CYP4F11: variants seen among roughly 807,000 people sequenced by gnomAD.
The protein encoded by CYP4F11 is cytochrome P450 4F11.
A neutral mutation model predicts 62.2 loss-of-function variants in CYP4F11; 79 were observed. The observed-to-expected ratio is 1.27, with a 90% confidence interval of 1.06 to 1.53. The LOEUF (loss-of-function observed/expected upper bound fraction) is 1.53, where lower values mean the gene tolerates loss of function less well. Among genes scored for constraint, CYP4F11 ranks in the 40% most tolerant of loss-of-function variants. The pLI is 0.00. For missense variants in CYP4F11, 777 were observed against 680.5 expected (o/e 1.14, Z -1.58); for synonymous variants, 290 against 263.7 (o/e 1.10, Z -0.97).
intron 5 of CYP4F11, among the ~76,000 whole-genome samples, chr19:15,924,559 A>G (rs1231334510): frequency 6.6e-6 from 1 of 152,234 alleles, no homozygotes; most frequent in Non-Finnish European, 1.5e-5. Context: ...CTGATTTTCA[A>G]TGTCCTGAAA....
rs140718122 is a variant in CYP4F11, at chr19:15,914,775, G to A, written c.1236C>T (p.Arg412=). Residue 412 remains arginine, a synonymous_variant, in exon 9 of 12, where the codon CGC becomes CGT. Transcript: ENST00000402119. ...GGCTGTGAGCACCTTTGGGGATGAC[G>A]CGGCCGTCTGGGAGCACAAAGTCCT... ...CTQDFVLPDG[R]VIPKGIVCLI... The A allele has an allele frequency of 2.4e-5, 39 of 1,614,188 alleles. No individual in the cohort carries two copies. The highest frequency in any genetic ancestry group is 8.8e-5 in the South Asian group (8 of 91,080).
chr19:15,914,315 C>A lies in CYP4F11; in HGVS notation c.1387G>T (p.Ala463Ser). 6.2e-7 allele frequency: 1 copy of A among 1,614,012 alleles called. No homozygotes were observed. Among genetic ancestry groups the A allele is most frequent in the Non-Finnish European group, 8.5e-7 (1 of 1,179,964 alleles). ...RSPLAFIPFS[A>S]GPRNCIGQAF... ...ACAGGCCATCCTTACCTGGGCCCTGCCGAGAAGGGAATAAAAGCCAGAGGT... is the reference window on the plus strand; with the variant it reads ...ACAGGCCATCCTTACCTGGGCCCTGACGAGAAGGGAATAAAAGCCAGAGGT... The change falls in exon 11 of 12, where the codon GCA becomes TCA. Residue 463 changes from alanine (A) to serine (S), a missense_variant. By Grantham distance (99) the Ala-to-Ser change is moderately conservative. Coordinates refer to ENST00000402119, the MANE Select transcript of CYP4F11 (RefSeq NM_021187.4).
intron 8 of CYP4F11, among the ~76,000 whole-genome samples, chr19:15,920,529 A>G (rs2089617556): frequency 6.6e-6 from 1 of 152,190 alleles, no homozygotes; most frequent in Non-Finnish European, 1.5e-5. Context: ...TTAAAAGCAT[A>G]AAAATGTTTC....
At chr19:15,919,630 T>C (rs1335669456) in intron 8 of CYP4F11, among the ~76,000 whole-genome samples, 2 of 151,902 alleles carry the variant, frequency 1.3e-5, no homozygotes, top group African/African-American at 2.4e-5. Context: ...GGTTAAACCC[T>C]GTCTTATCTG....
chr19:15,934,005 C>CAGAGGAATGAGTGAGCGAGG (rs1491583544), intron 1 of CYP4F11, among the ~76,000 whole-genome samples: 1 of 37,934 alleles, frequency 2.6e-5, no homozygotes, highest in Non-Finnish European at 5.7e-5. Context: ...AGTGAGTGGG[C>CAGAGGAATGAGTGAGCGAGG]AGAGGAATGA....
At chr19:15,925,392 ACT>A (rs1489884261) in intron 4 of CYP4F11, among the ~76,000 whole-genome samples, 1 of 152,168 alleles carries the variant, frequency 6.6e-6, no homozygotes. Context: ...GGCAAATGGT[ACT>A]GTTTCTGGGA....
At chr19:15,917,431 A>G (rs2145039016) in intron 8 of CYP4F11, among the ~76,000 whole-genome samples, 1 of 152,302 alleles carries the variant, frequency 6.6e-6, no homozygotes, top group Non-Finnish European at 1.5e-5. Context: ...TCTACCAGAC[A>G]TTAAGACCTA....
Position 15,919,521 on chromosome 19 carries a change from T to TAGATAGATAGACAGAC in CYP4F11, c.1115+2515_1115+2516insGTCTGTCTATCTATCT, listed in dbSNP as rs1191784843. Among the ~76,000 whole-genome samples, 38 of 146,186 alleles carry TAGATAGATAGACAGAC rather than the reference T, an allele frequency of 2.6e-4. 1 individual carries two copies. The highest frequency in any genetic ancestry group is 4.5e-4 in the African/African-American group (18 of 40,246). On this transcript the variant is annotated intron_variant, in intron 8 of 11. Coordinates refer to ENST00000402119, the MANE Select transcript of CYP4F11 (RefSeq NM_021187.4). ...ATAGATAGATAGATAGATAGATAGA[T>TAGATAGATAGACAGAC]AGACAGATAGATAAGCAGACAGTTA...
chr19:15,927,230 C>T lies in CYP4F11; in HGVS notation c.507G>A (p.Lys169=). The change falls in exon 4 of 12, where the codon AAG becomes AAA. Residue 169 remains lysine, a synonymous_variant. Transcript: ENST00000402119. ...GACTCACGTGCATGATGTTCACACT[C>T]TTGTTGAAAATCTTCATATAAGGCT... ...ILKPYMKIFN[K]SVNIMHDKWQ... is the part of the protein sequence containing the mutation. 1 of 1,614,082 alleles carries T rather than the reference C, an allele frequency of 6.2e-7. No homozygotes were observed. The highest frequency in any genetic ancestry group is 8.5e-7 in the Non-Finnish European group (1 of 1,179,982).
rs770850483 is a variant in CYP4F11, at chr19:15,929,590, C to T, written c.210G>A (p.Thr70=). 36 of 1,600,442 alleles carry T rather than the reference C, an allele frequency of 2.2e-5. No homozygotes were observed. Among genetic ancestry groups the T allele is most frequent in the Middle Eastern group, 1.7e-4 (1 of 5,978 alleles). Reference sequence around the variant, plus strand: ...GGGTCAATGTCTTCATGCCCTCTTCCGTGGGAGTGACCTGAAAACAAGGCA... The same window carrying T: ...GGGTCAATGTCTTCATGCCCTCTTCTGTGGGAGTGACCTGAAAACAAGGCA... ...FWGHQGLVTP[T]EEGMKTLTQL... is the part of the protein sequence containing the mutation. Residue 70 remains threonine (T), a synonymous_variant, in exon 2 of 12, where the codon ACG becomes ACA. Coordinates refer to ENST00000402119, the MANE Select transcript of CYP4F11 (RefSeq NM_021187.4).
intron 8 of CYP4F11, among the ~76,000 whole-genome samples, chr19:15,917,278 G>A (rs951034723): frequency 5.9e-5 from 9 of 152,112 alleles, no homozygotes; most frequent in Admixed American, 3.3e-4. Context: ...AGGGAGGGAC[G>A]TTGGGAGGGA....
chr19:15,914,963 T>A (rs1267953982), intron 8 of CYP4F11, 68 bp from the exon 9 acceptor site: 1 of 1,576,100 alleles, frequency 6.3e-7, no homozygotes, highest in Non-Finnish European at 8.6e-7. Flanking sequence ...CTTCTCTGTT[T>A]CCAAGCGAGA....
At chr19:15,919,820 G>A (rs2089612206) in intron 8 of CYP4F11, among the ~76,000 whole-genome samples, 1 of 152,144 alleles carries the variant, frequency 6.6e-6, no homozygotes, top group Admixed American at 6.6e-5. Context: ...AATAAGCCAG[G>A]CACAAGAAGA....
chr19:15,924,994 A>G (rs897188691), intron 4 of CYP4F11, 112 bp from the exon 5 acceptor site: 2 of 1,266,872 alleles, frequency 1.6e-6, no homozygotes, highest in African/African-American at 3.0e-5. Context: ...CCTCTGCCCC[A>G]GGTACCCATC....
chr19:15,927,384 T>G (rs1327365738), intron 3 of CYP4F11, 45 bp from the exon 4 acceptor site: 3 of 1,613,918 alleles, frequency 1.9e-6, no homozygotes, highest in South Asian at 2.2e-5. Context: ...GCACCCTCCC[T>G]TATCCCTAAA....
Position 15,913,133 on chromosome 19 carries a change from G to A in CYP4F11, c.*599C>T, listed in dbSNP as rs139092762. ...AGAGGAATTAACTTGCTCAAGTCAC[G>A]CAGCAGAGCCAGGACTTGAGCCCAA... On this transcript the variant is annotated 3_prime_UTR_variant, in exon 12 of 12. Coordinates refer to ENST00000402119, the MANE Select transcript of CYP4F11 (RefSeq NM_021187.4). 27 of 157,806 alleles carry A rather than the reference G, an allele frequency of 1.7e-4. No homozygotes were observed. In the East Asian group the frequency reaches 3.9e-3, roughly 23 times the overall value. The allele number at this position is 157,806 out of a possible 1,614,324, so 9.8% of individuals were successfully genotyped here.
chr19:15,931,599 A>AGCGGGGAGAGGAGTGAGTGAGC (rs2089722145), intron 1 of CYP4F11, among the ~76,000 whole-genome samples: 1 of 114,046 alleles, frequency 8.8e-6, no homozygotes, highest in Non-Finnish European at 1.8e-5. Flanking sequence ...GGAATGAGTG[A>AGCGGGGAGAGGAGTGAGTGAGC]GTGAGGAGAG....
chr19:15,934,045 G>GAGAGGAATGAGTGAGCGGGC lies in CYP4F11; in HGVS notation c.198+165_198+166insGCCCGCTCACTCATTCCTCT, dbSNP rs2089754686. Among the ~76,000 whole-genome samples, 15 of 74,762 alleles carry GAGAGGAATGAGTGAGCGGGC rather than the reference G, an allele frequency of 2.0e-4. 1 individual carries two copies. Among genetic ancestry groups the GAGAGGAATGAGTGAGCGGGC allele is most frequent in the Admixed American group, 4.7e-4 (4 of 8,422 alleles). The allele number at this position is 74,762 out of a possible 152,430, so 49.0% of individuals were successfully genotyped here. A position where few individuals can be genotyped will look rare whatever the true frequency, so the allele number is the denominator to read the frequency against. On this transcript the variant is annotated intron_variant, in intron 1 of 11. Transcript: ENST00000402119. ...GTGGGCAGAGGAATGAGTGAGCGGG[G>GAGAGGAATGAGTGAGCGGGC]AGAGGAATGAGTGAGTGGGCAGAGG...
chr19:15,918,452 T>A (rs1320744999), intron 8 of CYP4F11, among the ~76,000 whole-genome samples: 2 of 152,114 alleles, frequency 1.3e-5, no homozygotes, highest in Admixed American at 6.6e-5. Flanking sequence ...AAAAAAATAA[T>A]AATAATAATG....
Sources: gnomAD v4.1 joint callset for allele counts (sites outside exome capture counted in the v4.1 genomes callset) on GRCh38, gnomAD v4.1.1 for gene constraint, MANE v1.5 for transcripts, NCBI Gene and HGNC (gene_info 2026-07-23, HGNC 2026-07-21) for gene names.